KIF3B: variants seen among roughly 807,000 people sequenced by gnomAD.
KIF3B encodes the protein kinesin family member 3B, also known as kinesin-like protein KIF3B.
A neutral mutation model predicts 74.3 loss-of-function variants in KIF3B; 38 were observed. That is an observed-to-expected ratio of 0.51 (90% confidence interval 0.39 to 0.67). The LOEUF (loss-of-function observed/expected upper bound fraction) is 0.67, where lower values mean the gene tolerates loss of function less well. KIF3B is among the 30% of genes least tolerant of loss of function. KIF3B has a pLI of 0.00. For missense variants in KIF3B, 649 were observed against 932.0 expected, an observed-to-expected ratio of 0.70 and a Z score of 3.95; for synonymous variants, 326 against 342.5, an observed-to-expected ratio of 0.95 and a Z score of 0.53.
intron 1 of KIF3B, among the ~76,000 whole-genome samples, chr20:32,300,062 C>T (rs2047735890): frequency 1.3e-5 from 2 of 151,306 alleles, no homozygotes; most frequent in African/African-American, 4.9e-5. Context: ...AGGTGAGAGC[C>T]GCCACACTGG....
At chr20:32,280,728 A>G (rs953347672) in intron 1 of KIF3B, among the ~76,000 whole-genome samples, 3 of 150,904 alleles carry the variant, frequency 2.0e-5, no homozygotes, top group Non-Finnish European at 4.4e-5. Context: ...AAAAAAAAAA[A>G]AAAAAAAAAA....
rs112279639 is a variant in KIF3B at position 32,295,107 on chromosome 20, G to C, written c.-65-14606G>C. Among the ~76,000 whole-genome samples the C allele has an allele frequency of 5.7e-3, 871 of 152,202 alleles. 5 individuals are homozygous for C. The highest frequency in any genetic ancestry group is 0.011 in the Admixed American group (161 of 15,272). The stretch of plus-strand genomic sequence containing the variant: ...GTCCTTAAAATAATTCCAAGAAATG[G>C]AATTGCTGTTTCAAGGGAGTATTCA... On this transcript the variant is annotated intron_variant, in intron 1 of 8. Coordinates refer to ENST00000375712, the MANE Select transcript of KIF3B (RefSeq NM_004798.4).
rs571296173 is a variant in KIF3B, at chr20:32,289,124, C to T, written c.-66+11359C>T. On this transcript the variant is annotated intron_variant, in intron 1 of 8. Coordinates refer to ENST00000375712, the MANE Select transcript of KIF3B (RefSeq NM_004798.4). ...ATTATGTTGAATGTAGTGGTGAGAGCTATTCCCTTTAAAACTCTCTCTTGG... is the reference window on the plus strand; with the variant it reads ...ATTATGTTGAATGTAGTGGTGAGAGTTATTCCCTTTAAAACTCTCTCTTGG... 4.0e-5 allele frequency among the ~76,000 whole-genome samples: 6 copies of T among 151,142 alleles called. No homozygotes were observed. The South Asian group carries it at 8.3e-4, about 21-fold the overall frequency.
rs185410838 is a variant in KIF3B, at chr20:32,298,590, A to G, written c.-65-11123A>G. Among the ~76,000 whole-genome samples the G allele has an allele frequency of 9.9e-5, 15 of 152,268 alleles. No individual in the cohort carries two copies. The East Asian group carries it at 2.7e-3, about 27-fold the overall frequency. ...AAATATCCTTCCCATCTCTACTCCC[A>G]TTATCCATACTTCCCATTGCCCAGT... On this transcript the variant is annotated intron_variant, in intron 1 of 8. Coordinates refer to ENST00000375712, the MANE Select transcript of KIF3B (RefSeq NM_004798.4).
chr20:32,328,612 CA>C (rs142664447), intron 7 of KIF3B, among the ~76,000 whole-genome samples: 168 of 131,020 alleles, frequency 1.3e-3, no homozygotes, highest in Middle Eastern at 4.2e-3. Context: ...CACTCTGTCT[CA>C]AAAAAAAAAA....
intron 1 of KIF3B, among the ~76,000 whole-genome samples, chr20:32,279,931 C>T (rs1006554090): frequency 5.3e-5 from 8 of 152,222 alleles, no homozygotes; most frequent in African/African-American, 1.9e-4. Context: ...TCTGCCACTT[C>T]CAAGCTGTGT....
intron 1 of KIF3B, among the ~76,000 whole-genome samples, chr20:32,306,906 T>C (rs748305036): frequency 1.7e-4 from 26 of 152,104 alleles, no homozygotes; most frequent in Non-Finnish European, 2.9e-4. Context: ...CCTCTCTCTT[T>C]AGGCTTCTGA....
intron 6 of KIF3B, among the ~76,000 whole-genome samples, 179 bp downstream of exon 6, chr20:32,327,063 A>G (rs1231763397): frequency 1.3e-5 from 2 of 152,172 alleles, no homozygotes; most frequent in African/African-American, 2.4e-5. Context: ...TAAAAGTTTG[A>G]TCATGAGTGT....
At chr20:32,293,042 G>T (rs1437969510) in intron 1 of KIF3B, among the ~76,000 whole-genome samples, 1 of 152,068 alleles carries the variant, frequency 6.6e-6, no homozygotes, top group Non-Finnish European at 1.5e-5. Flanking sequence ...AACACCTGAG[G>T]TCAGGAGTTC....
At chr20:32,306,701 T>G (rs1238395720) in intron 1 of KIF3B, among the ~76,000 whole-genome samples, 3 of 149,828 alleles carry the variant, frequency 2.0e-5, no homozygotes, top group African/African-American at 7.4e-5. Context: ...TTCAAGCAAT[T>G]CTCCTGTCTC....
chr20:32,325,653 C>CTT (rs200570783), intron 5 of KIF3B, among the ~76,000 whole-genome samples: 1,703 of 89,832 alleles, frequency 0.019, 164 homozygotes, highest in East Asian at 0.037. Flanking sequence ...CTCTCTCTCT[C>CTT]TCTTTTTTTT....
Position 32,311,066 on chromosome 20 carries a change from A to G in KIF3B, c.1289A>G (p.Glu430Gly). Residue 430 changes from glutamate (E) to glycine (G), a missense_variant, in exon 2 of 9, where the codon GAG becomes GGG. Around this residue, in one of 4 missense-constraint regions of KIF3B, gnomAD observed 363 missense variants for 592.8 expected, o/e 0.61. Transcript: ENST00000375712. ...KLEIEKRAIV[E>G]DHSLVAEEKM... ...GAGATTGAGAAGCGGGCCATTGTAGAGGATCACAGCTTGGTTGCAGAGGAG... is the reference window on the plus strand; with the variant it reads ...GAGATTGAGAAGCGGGCCATTGTAGGGGATCACAGCTTGGTTGCAGAGGAG... 1 of 1,613,850 alleles carries G rather than the reference A, an allele frequency of 6.2e-7. No homozygotes were observed. The highest frequency in any genetic ancestry group is 8.5e-7 in the Non-Finnish European group (1 of 1,179,958).
chr20:32,305,570 CTTTTTTTTTTTTTT>C lies in KIF3B; in HGVS notation c.-65-4133_-65-4120del, dbSNP rs869049527. On this transcript the variant is annotated intron_variant, in intron 1 of 8. Transcript: ENST00000375712. ...TTATAAAATTTTAACACTCCCCCAC[CTTTTTTTTTTTTTT>C]TTTTTTTTTGTGTGTGTAGATGGAG... is the stretch of plus-strand genomic sequence containing the variant. Among the ~76,000 whole-genome samples, 640 of 86,940 alleles carry C rather than the reference CTTTTTTTTTTTTTT, an allele frequency of 7.4e-3. 6 individuals are homozygous for C. The highest frequency in any genetic ancestry group is 0.029 in the African/African-American group (559 of 19,442). The allele number at this position is 86,940 out of a possible 152,430, so 57.0% of individuals were successfully genotyped here. A position where few individuals can be genotyped will look rare whatever the true frequency, so the allele number is the denominator to read the frequency against.
At chr20:32,299,403 A>ATATTT (rs1555895046) in intron 1 of KIF3B, among the ~76,000 whole-genome samples, 1 of 9,026 alleles carries the variant, frequency 1.1e-4, no homozygotes, top group Admixed American at 1.7e-3. Context: ...ATATATATAT[A>ATATTT]TTTTTTTTTT....
At chr20:32,325,756 C>G (rs1302134585) in intron 5 of KIF3B, among the ~76,000 whole-genome samples, 5 of 142,044 alleles carry the variant, frequency 3.5e-5, no homozygotes, top group African/African-American at 1.3e-4. Flanking sequence ...CAACCTCTGC[C>G]CTCTGGGTTC....
rs1452973781 is a variant in KIF3B, at chr20:32,333,910, C to T, written c.*2591C>T. 1.3e-5 allele frequency: 2 copies of T among 152,492 alleles called. No homozygotes were observed. Among genetic ancestry groups the T allele is most frequent in the Non-Finnish European group, 2.9e-5 (2 of 68,042 alleles). 9.4% of individuals were successfully genotyped at this position (152,492 alleles called of 1,614,324 possible). On this transcript the variant is annotated 3_prime_UTR_variant, in exon 9 of 9. Transcript: ENST00000375712. The stretch of plus-strand genomic sequence containing the variant: ...TGCTTTTCTTCTCTCAAAATGGATC[C>T]GATAAATATTTGAATAGAGCAGATT...
intron 1 of KIF3B, among the ~76,000 whole-genome samples, chr20:32,308,180 G>A (rs8121536): frequency 0.013 from 2,030 of 152,216 alleles, 36 homozygotes; most frequent in African/African-American, 0.045. Flanking sequence ...AGCTTGCAGT[G>A]AGCCAAGCTC....
chr20:32,300,195 T>C (rs1038412954), intron 1 of KIF3B, among the ~76,000 whole-genome samples: 34 of 152,252 alleles, frequency 2.2e-4, no homozygotes, highest in Middle Eastern at 3.4e-3. Flanking sequence ...CTCCAACTCC[T>C]GGACTCAAGG....
chr20:32,323,755 G>A (rs1010414951), intron 5 of KIF3B, among the ~76,000 whole-genome samples: 7 of 151,872 alleles, frequency 4.6e-5, no homozygotes, highest in African/African-American at 1.7e-4. Flanking sequence ...GCGGGCGCCT[G>A]TAATCTCAAC....
Sources: gnomAD v4.1 joint callset for allele counts (sites outside exome capture counted in the v4.1 genomes callset) on GRCh38, gnomAD v4.1.1 for gene constraint, gnomAD v4.1.1 regional missense constraint, MANE v1.5 for transcripts, NCBI Gene and HGNC (gene_info 2026-07-23, HGNC 2026-07-21) for gene names.